GDNF: variants seen among roughly 807,000 people sequenced by gnomAD.
The protein encoded by GDNF is glial cell line-derived neurotrophic factor.
A neutral mutation model predicts 13.7 loss-of-function variants in GDNF; 5 were observed. The observed-to-expected ratio is 0.36, with a 90% CI of 0.19 to 0.77. The LOEUF is 0.77. GDNF is among the 30% of genes least tolerant of loss of function. The pLI is 0.51. For synonymous variants in GDNF, 122 were observed against 112.5 expected, an observed-to-expected ratio of 1.08 and a Z score of -0.53; for missense variants, 246 against 274.3, an observed-to-expected ratio of 0.90 and a Z score of 0.73.
chr5:37,820,160 T>A (rs1483770390), intron 2 of GDNF, among the ~76,000 whole-genome samples: 1 of 152,174 alleles, frequency 6.6e-6, no homozygotes, highest in Non-Finnish European at 1.5e-5. Flanking sequence ...AAAGTTAAGT[T>A]CAATTAACAA....
chr5:37,836,833 C>T (rs1750724747), intron 1 of GDNF, among the ~76,000 whole-genome samples: 1 of 152,232 alleles, frequency 6.6e-6, no homozygotes, highest in African/African-American at 2.4e-5. Context: ...TCCCTTTTTT[C>T]CTGCTTGGCC....
chr5:37,830,360 GA>G (rs1281577246), intron 2 of GDNF, among the ~76,000 whole-genome samples: 1 of 152,026 alleles, frequency 6.6e-6, no homozygotes, highest in Non-Finnish European at 1.5e-5. Context: ...AGTTTGGTGA[GA>G]AAAAAATTCC....
intron 2 of GDNF, among the ~76,000 whole-genome samples, chr5:37,832,417 T>C (rs1010507154): frequency 7.9e-5 from 12 of 152,214 alleles, no homozygotes; most frequent in Non-Finnish European, 1.6e-4. Flanking sequence ...GACAGCTTGC[T>C]ACCGAATCAA....
intron 2 of GDNF, among the ~76,000 whole-genome samples, chr5:37,823,049 G>A (rs1409375027): frequency 1.3e-5 from 2 of 152,174 alleles, no homozygotes; most frequent in Non-Finnish European, 2.9e-5. Flanking sequence ...AACATTACCA[G>A]TGTAAAGGTG....
intron 2 of GDNF, among the ~76,000 whole-genome samples, chr5:37,833,620 G>T (rs1554021554): frequency 6.6e-6 from 1 of 152,210 alleles, no homozygotes; most frequent in Non-Finnish European, 1.5e-5. Context: ...CTACTACTGT[G>T]GTTATGACCA....
intron 2 of GDNF, among the ~76,000 whole-genome samples, chr5:37,828,507 T>TTCAGG (rs753756682): frequency 2.3e-4 from 35 of 152,344 alleles, no homozygotes; most frequent in Non-Finnish European, 4.4e-4. Context: ...AAATCTGTGT[T>TTCAGG]TCAGGGTTAG....
rs1043861797 is a variant in GDNF, at chr5:37,815,353, A to T, written c.*298T>A. 2.1e-6 allele frequency: 1 copy of T among 472,390 alleles called. No individual in the cohort carries two copies. Among genetic ancestry groups the T allele is most frequent in the African/African-American group, 2.0e-5 (1 of 50,944 alleles). 29.3% of individuals were successfully genotyped at this position (472,390 alleles called of 1,614,324 possible). A position where few individuals can be genotyped will look rare whatever the true frequency, so the allele number is the denominator to read the frequency against. On this transcript the variant is annotated 3_prime_UTR_variant, in exon 3 of 3. Coordinates refer to ENST00000326524, the MANE Select transcript of GDNF (RefSeq NM_000514.4). The surrounding 1 kb of genome is among the most constrained non-coding windows in gnomAD (Gnocchi z 5.0). ...ATCAGCTGAAATGGTGGCAATAGCC[A>T]ACCAGGAACATCAGCCCTGAGCTTC...
Position 37,815,638 on chromosome 5 carries a change from T to C in GDNF, c.*13A>G, listed in dbSNP as rs1306381751. ...AGCAGGAATGCAATACACAGCAGTC[T>C]CTGGAGCCGGAGTCAGATACATCCA... On this transcript the variant is annotated 3_prime_UTR_variant, in exon 3 of 3. Transcript: ENST00000326524. The surrounding 1 kb of genome is among the most constrained non-coding windows in gnomAD (Gnocchi z 5.0). 1 of 1,612,528 alleles carries C rather than the reference T, an allele frequency of 6.2e-7. No individual in the cohort carries two copies.
intron 1 of GDNF, among the ~76,000 whole-genome samples, chr5:37,836,364 G>C (rs558557269): frequency 1.2e-4 from 18 of 152,168 alleles, no homozygotes; most frequent in African/African-American, 3.9e-4. Context: ...GCAACCCGGG[G>C]AAGCCTTTAA....
chr5:37,818,899 A>G (rs1039625135), intron 2 of GDNF, among the ~76,000 whole-genome samples: 5 of 151,896 alleles, frequency 3.3e-5, no homozygotes, highest in African/African-American at 1.2e-4. Context: ...ATTCCTCCCC[A>G]GCCCCTAATC....
chr5:37,835,118 C>T (rs1750658187), intron 1 of GDNF, among the ~76,000 whole-genome samples: 1 of 151,784 alleles, frequency 6.6e-6, no homozygotes, highest in Non-Finnish European at 1.5e-5. Context: ...CCAGTTAACC[C>T]CCCACCCCCA....
intron 2 of GDNF, among the ~76,000 whole-genome samples, chr5:37,826,537 T>C (rs1581584213): frequency 6.6e-6 from 1 of 152,326 alleles, no homozygotes; most frequent in East Asian, 1.9e-4. Flanking sequence ...GTGTGAGCTC[T>C]TCCGTGTTCC....
rs1749845462 is a variant in GDNF, at chr5:37,814,648, A to G, written c.*1003T>C. ...GAAACTTTAATAAATAAGGGAAAAAAGAGAAATTCATTAGTGAACGGTAAT... is the reference window on the plus strand; with the variant it reads ...GAAACTTTAATAAATAAGGGAAAAAGGAGAAATTCATTAGTGAACGGTAAT... On this transcript the variant is annotated 3_prime_UTR_variant, in exon 3 of 3. Coordinates refer to ENST00000326524, the MANE Select transcript of GDNF (RefSeq NM_000514.4). The G allele has an allele frequency of 6.6e-6, 1 of 152,272 alleles. No homozygotes were observed. The highest frequency in any genetic ancestry group is 6.5e-5 in the Admixed American group (1 of 15,288). The allele number at this position is 152,272 out of a possible 1,614,324, so 9.4% of individuals were successfully genotyped here.
intron 2 of GDNF, among the ~76,000 whole-genome samples, chr5:37,825,237 C>T (rs1359702404): frequency 6.6e-6 from 1 of 152,140 alleles, no homozygotes; most frequent in Admixed American, 6.5e-5. Flanking sequence ...CCAGAAAACC[C>T]CACTCAGGGA....
intron 1 of GDNF, chr5:37,835,497 T>C: frequency 1.3e-6 from 2 of 1,499,238 alleles, no homozygotes; most frequent in Non-Finnish European, 1.8e-6. Flanking sequence ...GTATGGGATA[T>C]CTGGTTTAAG....
Position 37,821,974 on chromosome 5 carries a change from AG to A in GDNF, c.152-5840del, listed in dbSNP as rs144819171. 3.1e-3 allele frequency among the ~76,000 whole-genome samples: 473 copies of A among 152,338 alleles called. 1 individual carries two copies. Among genetic ancestry groups the A allele is most frequent in the African/African-American group, 0.011 (449 of 41,586 alleles). On this transcript the variant is annotated intron_variant, in intron 2 of 2. Coordinates refer to ENST00000326524, the MANE Select transcript of GDNF (RefSeq NM_000514.4). ...TACAGGTTAACTATATTTTAATCAA[AG>A]GGTCATTTTTCTACTTGTAGCTGGT...
chr5:37,817,554 C>T (rs537846259), intron 2 of GDNF, among the ~76,000 whole-genome samples: 12 of 151,906 alleles, frequency 7.9e-5, no homozygotes, highest in Non-Finnish European at 1.8e-4. Flanking sequence ...ATCAGGTATC[C>T]CTCCTATAGA....
chr5:37,821,006 C>T (rs899458415), intron 2 of GDNF, among the ~76,000 whole-genome samples: 2 of 152,078 alleles, frequency 1.3e-5, no homozygotes, highest in Admixed American at 1.3e-4. Flanking sequence ...CAGGAAAGGG[C>T]AACATTGTAT....
At chr5:37,835,599 C>A (rs111865265) in intron 1 of GDNF, 15 of 1,532,824 alleles carry the variant, frequency 9.8e-6, no homozygotes, top group Non-Finnish European at 1.2e-5. Context: ...CAAGCTCTAG[C>A]GGAACATGTA....
Sources: gnomAD v4.1 joint callset for allele counts (sites outside exome capture counted in the v4.1 genomes callset) on GRCh38, gnomAD v4.1.1 for gene constraint, Gnocchi (gnomAD v3.1) non-coding constraint, MANE v1.5 for transcripts, NCBI Gene and HGNC (gene_info 2026-07-23, HGNC 2026-07-21) for gene names.